The following PTPRD variants were observed in gnomAD, a reference collection of about 807,000 sequenced individuals.
PTPRD encodes protein tyrosine phosphatase receptor type D.
PTPRD carries 34 observed loss-of-function variants against 214.5 expected under a neutral mutation model. The observed-to-expected ratio is 0.16, with a 90% CI of 0.12 to 0.21. PTPRD has a LOEUF of 0.21. Among genes scored for constraint, PTPRD ranks in the 10% least tolerant of loss-of-function variants. The pLI, the probability that PTPRD is intolerant of heterozygous loss-of-function variation, is 1.00. For synonymous variants in PTPRD, 1,128 were observed against 845.7 expected, an observed-to-expected ratio of 1.33 and a Z score of -5.79; for missense variants, 2,545 against 2,398.7, an observed-to-expected ratio of 1.06 and a Z score of -1.27.
At chr9:8,653,776 A>G (rs1176305540) in intron 12 of PTPRD, among the ~76,000 whole-genome samples, 1 of 152,222 alleles carries the variant, frequency 6.6e-6, no homozygotes, top group Non-Finnish European at 1.5e-5. Flanking sequence ...CATGAACTTG[A>G]TGGCAAGTCA....
chr9:8,923,780 A>C (rs1481914430), intron 11 of PTPRD, among the ~76,000 whole-genome samples: 1 of 152,198 alleles, frequency 6.6e-6, no homozygotes, highest in Non-Finnish European at 1.5e-5. Context: ...GAACACCAGG[A>C]CATGTGGCTC....
rs149013628 is a variant in PTPRD, at chr9:10,107,762, G to A, written c.-544-73972C>T. Among the ~76,000 whole-genome samples the A allele has an allele frequency of 6.2e-4, 95 of 152,136 alleles. No individual in the cohort carries two copies. The East Asian group carries it at 0.018, about 29-fold the overall frequency. ...AAACATTTGTTGCATTAGGGACTGG[G>A]AAAAGATAGACATTAGAACTGCAAT... On this transcript the variant is annotated intron_variant, in intron 3 of 45. Transcript: ENST00000381196.
intron 8 of PTPRD, among the ~76,000 whole-genome samples, chr9:9,563,704 G>T (rs764824260): frequency 1.3e-5 from 2 of 152,076 alleles, no homozygotes; most frequent in Non-Finnish European, 2.9e-5. Flanking sequence ...AAACCATAAA[G>T]CTTCCATTAA....
At chr9:8,604,422 G>C (rs899005713) in intron 14 of PTPRD, among the ~76,000 whole-genome samples, 14 of 152,276 alleles carry the variant, frequency 9.2e-5, no homozygotes, top group African/African-American at 3.4e-4. Context: ...AGAAATACAA[G>C]CACAGCATGA....
chr9:9,628,940 G>A (rs2095503695), intron 7 of PTPRD, among the ~76,000 whole-genome samples: 2 of 151,798 alleles, frequency 1.3e-5, no homozygotes, highest in African/African-American at 2.4e-5. Flanking sequence ...TTGGGAGGCC[G>A]AGGCGGGCAG....
At chr9:9,029,531 G>A (rs1195783391) in intron 10 of PTPRD, among the ~76,000 whole-genome samples, 1 of 151,872 alleles carries the variant, frequency 6.6e-6, no homozygotes, top group Non-Finnish European at 1.5e-5. Flanking sequence ...CCTAGTGCCA[G>A]AGACATTACA....
intron 35 of PTPRD, among the ~76,000 whole-genome samples, chr9:8,410,998 G>A (rs536852290): frequency 6.8e-6 from 1 of 147,444 alleles, no homozygotes; most frequent in Non-Finnish European, 1.5e-5. Flanking sequence ...TTATTTCACT[G>A]AGGAAACCAT....
intron 4 of PTPRD, among the ~76,000 whole-genome samples, chr9:9,983,575 C>A (rs1346685249): frequency 6.6e-6 from 1 of 152,170 alleles, no homozygotes; most frequent in Admixed American, 6.5e-5. Flanking sequence ...GCAGCTATTT[C>A]TTTAAATATG....
At chr9:10,365,027 A>G (rs2097488096) in intron 2 of PTPRD, among the ~76,000 whole-genome samples, 1 of 152,114 alleles carries the variant, frequency 6.6e-6, no homozygotes, top group Non-Finnish European at 1.5e-5. Context: ...ACATCTTAAC[A>G]ATTCTCTCTT....
At chr9:10,018,093 T>C (rs2096760871) in intron 4 of PTPRD, among the ~76,000 whole-genome samples, 1 of 152,010 alleles carries the variant, frequency 6.6e-6, no homozygotes, top group Admixed American at 6.6e-5. Flanking sequence ...TACTAGATTA[T>C]TAGGTTATGA....
chr9:10,294,341 T>A (rs2095614060), intron 3 of PTPRD, among the ~76,000 whole-genome samples: 1 of 151,930 alleles, frequency 6.6e-6, no homozygotes, highest in South Asian at 2.1e-4. Flanking sequence ...ATATCTAATT[T>A]GGAAAAGGCA....
chr9:9,390,371 A>G (rs1473212334), intron 9 of PTPRD, among the ~76,000 whole-genome samples: 2 of 152,108 alleles, frequency 1.3e-5, no homozygotes, highest in Non-Finnish European at 2.9e-5. Context: ...TACTTTTAAT[A>G]TACTTATTAA....
At chr9:9,654,998 T>TAG (rs2096470417) in intron 7 of PTPRD, among the ~76,000 whole-genome samples, 1 of 146,946 alleles carries the variant, frequency 6.8e-6, no homozygotes, top group Admixed American at 6.7e-5. Flanking sequence ...GAAGCATATA[T>TAG]ATATATAGAT....
intron 7 of PTPRD, among the ~76,000 whole-genome samples, chr9:9,595,436 G>GTGTACACATGCATACACATGTACGCATA (rs1324575820): frequency 3.3e-4 from 49 of 146,802 alleles, no homozygotes; most frequent in Non-Finnish European, 2.5e-4. Context: ...ATATACACAC[G>GTGTACACATGCATACACATGTACGCATA]TGTACACATG....
chr9:8,588,267 G>C (rs946709721), intron 14 of PTPRD, among the ~76,000 whole-genome samples: 9 of 152,156 alleles, frequency 5.9e-5, no homozygotes, highest in Non-Finnish European at 1.2e-4. Context: ...ATACAAATTA[G>C]GCTAGCCACA....
At chr9:9,239,218 G>C (rs1215595632) in intron 9 of PTPRD, among the ~76,000 whole-genome samples, 1 of 149,422 alleles carries the variant, frequency 6.7e-6, no homozygotes, top group African/African-American at 2.5e-5. Context: ...AAAACCACAA[G>C]TATTCTGTCA....
At chr9:9,768,846 G>A (rs1057459462) in intron 5 of PTPRD, among the ~76,000 whole-genome samples, 1 of 152,158 alleles carries the variant, frequency 6.6e-6, no homozygotes, top group Non-Finnish European at 1.5e-5. Context: ...AACGTGGTAC[G>A]AACGTAATCA....
intron 7 of PTPRD, among the ~76,000 whole-genome samples, chr9:9,577,486 C>A (rs2089279684): frequency 6.6e-6 from 1 of 152,062 alleles, no homozygotes; most frequent in Non-Finnish European, 1.5e-5. Context: ...ATCGCTTGAA[C>A]CCTGGAAATT....
At chr9:9,227,294 G>T (rs1028748552) in intron 9 of PTPRD, among the ~76,000 whole-genome samples, 2 of 151,978 alleles carry the variant, frequency 1.3e-5, no homozygotes, top group Non-Finnish European at 2.9e-5. Flanking sequence ...ATGTAGTGGA[G>T]TTAGTAGTAT....
Sources: gnomAD v4.1 joint callset for allele counts (sites outside exome capture counted in the v4.1 genomes callset) on GRCh38, gnomAD v4.1.1 for gene constraint, MANE v1.5 for transcripts, NCBI Gene and HGNC (gene_info 2026-07-23, HGNC 2026-07-21) for gene names.